CRPPA: variants seen among roughly 807,000 people sequenced by gnomAD.
The protein encoded by CRPPA is CDP-L-ribitol pyrophosphorylase A.
A neutral mutation model predicts 52.0 loss-of-function variants in CRPPA; 43 were observed. The observed-to-expected ratio is 0.83, with a 90% CI of 0.65 to 1.07. CRPPA has a LOEUF of 1.07. Among genes scored for constraint, CRPPA ranks in the 50% least tolerant of loss-of-function variants. The probability of loss-of-function intolerance (pLI) is 0.00; values close to 1 mark genes in which losing one functional copy is unlikely to be tolerated. For missense variants in CRPPA, 629 were observed against 551.7 expected, an observed-to-expected ratio of 1.14 and a Z score of -1.40; for synonymous variants, 250 against 203.5, an observed-to-expected ratio of 1.23 and a Z score of -1.94.
intron 8 of CRPPA, among the ~76,000 whole-genome samples, chr7:16,245,764 T>C (rs796464698): frequency 3.9e-5 from 6 of 152,342 alleles, no homozygotes; most frequent in African/African-American, 1.4e-4. Context: ...CAAGAAATTT[T>C]TTATTTCCCA....
chr7:16,178,303 T>A (rs903846765), intron 9 of CRPPA, among the ~76,000 whole-genome samples: 3 of 152,104 alleles, frequency 2.0e-5, no homozygotes, highest in Non-Finnish European at 4.4e-5. Flanking sequence ...TCTGCTGGCA[T>A]CTGGAGATTG....
At chr7:16,335,140 G>C (rs1254601637) in intron 3 of CRPPA, among the ~76,000 whole-genome samples, 1 of 63,322 alleles carries the variant, frequency 1.6e-5, no homozygotes. Flanking sequence ...GCAACATAAA[G>C]AGACCCATCT....
chr7:16,397,409 A>G (rs1436098923), intron 2 of CRPPA, among the ~76,000 whole-genome samples: 1 of 152,218 alleles, frequency 6.6e-6, no homozygotes, highest in African/African-American at 2.4e-5. Flanking sequence ...CTGACACGTA[A>G]TGGACACGTG....
At chr7:16,236,587 G>A (rs562618042) in intron 8 of CRPPA, among the ~76,000 whole-genome samples, 11 of 152,138 alleles carry the variant, frequency 7.2e-5, no homozygotes, top group African/African-American at 2.6e-4. Context: ...AACAGTTCAG[G>A]CTTTCCAAAA....
chr7:16,274,016 A>G (rs978241699), intron 6 of CRPPA, among the ~76,000 whole-genome samples: 4 of 152,158 alleles, frequency 2.6e-5, no homozygotes, highest in Non-Finnish European at 5.9e-5. Flanking sequence ...CTGACACTCC[A>G]TAATCAGTGT....
intron 3 of CRPPA, among the ~76,000 whole-genome samples, chr7:16,309,683 AT>A (rs1393768877): frequency 6.6e-6 from 1 of 151,804 alleles, no homozygotes; most frequent in African/African-American, 2.4e-5. Flanking sequence ...GCTGAGACTT[AT>A]TTTAGAAAGC....
At chr7:16,225,130 C>G (rs1472071945) in intron 8 of CRPPA, among the ~76,000 whole-genome samples, 1 of 151,792 alleles carries the variant, frequency 6.6e-6, no homozygotes, top group African/African-American at 2.4e-5. Context: ...TCTTTTGATT[C>G]AAAGAATTAA....
In CRPPA at chr7:16,088,986, T is replaced by A. The variant is rs1021007667; in HGVS notation, c.*2709A>T. 3.2e-5 allele frequency: 7 copies of A among 215,674 alleles called. No homozygotes were observed. The highest frequency in any genetic ancestry group is 1.3e-4 in the African/African-American group (6 of 45,426). 13.4% of individuals were successfully genotyped at this position (215,674 alleles called of 1,614,324 possible). A position where few individuals can be genotyped will look rare whatever the true frequency, so the allele number is the denominator to read the frequency against. On this transcript the variant is annotated 3_prime_UTR_variant, in exon 10 of 10. Transcript: ENST00000407010. Reference sequence around the variant, plus strand: ...GCCAGGGGTCATTGTTAGACAGGAATATAAGCTTAACACTTATTATCAGTC... The same window carrying A: ...GCCAGGGGTCATTGTTAGACAGGAAAATAAGCTTAACACTTATTATCAGTC...
intron 9 of CRPPA, among the ~76,000 whole-genome samples, chr7:16,142,171 C>T (rs1234892707): frequency 6.6e-6 from 1 of 152,190 alleles, no homozygotes; most frequent in African/African-American, 2.4e-5. Context: ...CTGGCTTCTA[C>T]ATTTGAACTA....
intron 2 of CRPPA, among the ~76,000 whole-genome samples, chr7:16,388,883 C>G (rs1485899862): frequency 2.0e-5 from 3 of 151,420 alleles, no homozygotes; most frequent in Non-Finnish European, 4.4e-5. Flanking sequence ...CTCAAACCAA[C>G]AAAAACAGTT....
intron 5 of CRPPA, among the ~76,000 whole-genome samples, chr7:16,280,384 A>G (rs1218659005): frequency 6.6e-6 from 1 of 152,228 alleles, no homozygotes; most frequent in Non-Finnish European, 1.5e-5. Flanking sequence ...GTTTAGAGAA[A>G]TCTGGGCTTT....
intron 9 of CRPPA, among the ~76,000 whole-genome samples, chr7:16,108,472 A>G (rs569790077): frequency 1.3e-5 from 2 of 151,942 alleles, no homozygotes; most frequent in Non-Finnish European, 2.9e-5. Context: ...AATATTAAAG[A>G]TCTGAAAGGA....
At chr7:16,353,494 T>C (rs1189755363) in intron 3 of CRPPA, among the ~76,000 whole-genome samples, 1 of 152,184 alleles carries the variant, frequency 6.6e-6, no homozygotes, top group Non-Finnish European at 1.5e-5. Context: ...TGGTGATCTA[T>C]TGCATAGCAT....
At chr7:16,094,431 G>GA (rs1781895646) in intron 9 of CRPPA, among the ~76,000 whole-genome samples, 1 of 152,038 alleles carries the variant, frequency 6.6e-6, no homozygotes, top group Admixed American at 6.6e-5. Context: ...ATTAACACAG[G>GA]AAAAAAATGC....
At chr7:16,348,982 G>T (rs914045058) in intron 3 of CRPPA, among the ~76,000 whole-genome samples, 6 of 152,178 alleles carry the variant, frequency 3.9e-5, no homozygotes, top group African/African-American at 1.4e-4. Flanking sequence ...CATATAACAG[G>T]ACCCCTTCCA....
At chr7:16,407,964 C>G (rs773896995) in intron 1 of CRPPA, among the ~76,000 whole-genome samples, 6 of 151,868 alleles carry the variant, frequency 4.0e-5, no homozygotes, top group Non-Finnish European at 8.8e-5. Context: ...AAAAATCAAC[C>G]AGGTGTAGTG....
intron 9 of CRPPA, among the ~76,000 whole-genome samples, chr7:16,210,073 GT>G (rs2128395943): frequency 6.6e-6 from 1 of 152,174 alleles, no homozygotes; most frequent in Admixed American, 6.5e-5. Flanking sequence ...GTAAAAATAA[GT>G]TTTGCCTTTC....
At chr7:16,255,722 G>A (rs2128411549) in intron 8 of CRPPA, among the ~76,000 whole-genome samples, 1 of 152,240 alleles carries the variant, frequency 6.6e-6, no homozygotes, top group East Asian at 1.9e-4. Context: ...AGTGGTGCTG[G>A]GAAAACTGGC....
At chr7:16,163,252 G>A (rs904154565) in intron 9 of CRPPA, among the ~76,000 whole-genome samples, 3 of 151,962 alleles carry the variant, frequency 2.0e-5, no homozygotes, top group African/African-American at 7.2e-5. Flanking sequence ...GGGATTACAG[G>A]TGGGAGCCAC....
Sources: gnomAD v4.1 joint callset for allele counts (sites outside exome capture counted in the v4.1 genomes callset) on GRCh38, gnomAD v4.1.1 for gene constraint, MANE v1.5 for transcripts, NCBI Gene and HGNC (gene_info 2026-07-23, HGNC 2026-07-21) for gene names.